Variants in SLC35F4 observed in about 807,000 individuals in gnomAD.
SLC35F4 encodes solute carrier family 35 member F4.
In SLC35F4, 24 loss-of-function variants were observed where a neutral mutation model predicts 44.2. That is an observed-to-expected ratio of 0.54 (90% CI 0.39 to 0.76). The LOEUF (loss-of-function observed/expected upper bound fraction) is 0.76, where lower values mean the gene tolerates loss of function less well. Ranked by LOEUF, SLC35F4 falls within the 30% of genes least tolerant of loss-of-function variation. The pLI is 0.00. For synonymous variants in SLC35F4, 238 were observed against 223.6 expected (o/e 1.06, Z -0.57); for missense variants, 562 against 586.1 (o/e 0.96, Z 0.42).
At chr14:57,849,439 G>A (rs769844832) in intron 1 of SLC35F4, among the ~76,000 whole-genome samples, 17 of 151,808 alleles carry the variant, frequency 1.1e-4, no homozygotes, top group Non-Finnish European at 2.1e-4. Context: ...TGGGATTATA[G>A]GCATGAGCCA....
At chr14:57,640,177 G>A (rs1226551038) in intron 1 of SLC35F4, among the ~76,000 whole-genome samples, 1 of 151,948 alleles carries the variant, frequency 6.6e-6, no homozygotes, top group Non-Finnish European at 1.5e-5. Context: ...CTTCTGTAAT[G>A]TGCTGTAAAT....
chr14:57,738,013 A>T (rs149790886), intron 1 of SLC35F4, among the ~76,000 whole-genome samples: 75 of 152,368 alleles, frequency 4.9e-4, no homozygotes, highest in African/African-American at 1.8e-3. Context: ...TTGGAGCAAG[A>T]AAAAACATAT....
chr14:57,744,785 C>T (rs989234122), intron 1 of SLC35F4, among the ~76,000 whole-genome samples: 3 of 152,284 alleles, frequency 2.0e-5, no homozygotes, highest in South Asian at 2.1e-4. Context: ...ATTGCCAAGA[C>T]AATCCTAAGC....
At chr14:57,778,364 A>G (rs1323268645) in intron 1 of SLC35F4, among the ~76,000 whole-genome samples, 1 of 152,226 alleles carries the variant, frequency 6.6e-6, no homozygotes, top group East Asian at 1.9e-4. Context: ...ACCAACAAAG[A>G]TCAAAAAAGA....
intron 1 of SLC35F4, among the ~76,000 whole-genome samples, chr14:57,798,739 C>T (rs1345871248): frequency 1.3e-5 from 2 of 152,138 alleles, no homozygotes; most frequent in African/African-American, 2.4e-5. Flanking sequence ...GTAAATGTTG[C>T]CATTTGATTT....
chr14:57,858,753 T>C (rs1320219367), intron 1 of SLC35F4, among the ~76,000 whole-genome samples: 1 of 151,310 alleles, frequency 6.6e-6, no homozygotes, highest in Admixed American at 6.6e-5. Flanking sequence ...AGCTGCATGA[T>C]GAGACTATGA....
chr14:57,815,680 A>G (rs1882480525), intron 1 of SLC35F4, among the ~76,000 whole-genome samples: 1 of 152,144 alleles, frequency 6.6e-6, no homozygotes, highest in Non-Finnish European at 1.5e-5. Flanking sequence ...TGTCATTTGC[A>G]GGAGGCGCTC....
chr14:57,861,841 C>G (rs995324224), intron 1 of SLC35F4, among the ~76,000 whole-genome samples: 1 of 152,174 alleles, frequency 6.6e-6, no homozygotes, highest in African/African-American at 2.4e-5. Flanking sequence ...TTCTCCTGAA[C>G]CTCTTAATGT....
Position 57,740,617 on chromosome 14 carries a change from T to C in SLC35F4, c.103+125106A>G, listed in dbSNP as rs533734919. Among the ~76,000 whole-genome samples, 4 of 152,274 alleles carry C rather than the reference T, an allele frequency of 2.6e-5. No individual in the cohort carries two copies. The East Asian group carries it at 7.7e-4, about 29-fold the overall frequency. On this transcript the variant is annotated intron_variant, in intron 1 of 7. Transcript: ENST00000556826. ...GGTAACTATAGTTTACGAGAATATA[T>C]TGTACATTCTAAAATAGCTAGAAGA...
intron 1 of SLC35F4, among the ~76,000 whole-genome samples, chr14:57,856,285 C>A (rs563515695): frequency 6.6e-6 from 1 of 152,118 alleles, no homozygotes; most frequent in Admixed American, 6.5e-5. Context: ...CAAAACTGCA[C>A]ATTCTGCACA....
At chr14:57,831,227 T>A (rs954343709) in intron 1 of SLC35F4, among the ~76,000 whole-genome samples, 1 of 152,150 alleles carries the variant, frequency 6.6e-6, no homozygotes, top group Admixed American at 6.6e-5. Flanking sequence ...ATCTCTAATA[T>A]CTTTCTCTCC....
At chr14:57,696,112 C>T (rs188198408) in intron 1 of SLC35F4, among the ~76,000 whole-genome samples, 4 of 152,070 alleles carry the variant, frequency 2.6e-5, no homozygotes, top group Non-Finnish European at 5.9e-5. Flanking sequence ...AGAGTTTCTG[C>T]ACAGCAAAAG....
intron 1 of SLC35F4, among the ~76,000 whole-genome samples, chr14:57,848,589 A>G (rs1293074092): frequency 6.6e-6 from 1 of 152,210 alleles, no homozygotes; most frequent in Non-Finnish European, 1.5e-5. Context: ...TTGGGAGATG[A>G]TTCTCCATGA....
downstream of SLC35F4, among the ~76,000 whole-genome samples, chr14:57,972,300 G>A (rs1444461667): frequency 6.6e-6 from 1 of 152,140 alleles, no homozygotes; most frequent in African/African-American, 2.4e-5. Context: ...GATTGCTCTG[G>A]AGGCTACATG....
intron 1 of SLC35F4, among the ~76,000 whole-genome samples, chr14:57,697,363 A>T (rs925179152): frequency 6.6e-6 from 1 of 152,132 alleles, no homozygotes; most frequent in African/African-American, 2.4e-5. Context: ...AAAATGTATT[A>T]AGGTTGGTTT....
intron 1 of SLC35F4, among the ~76,000 whole-genome samples, chr14:57,970,620 G>C (rs1215092280): frequency 6.6e-6 from 1 of 152,136 alleles, no homozygotes; most frequent in Non-Finnish European, 1.5e-5. Context: ...GATCCATCCA[G>C]CGTTTTATCC....
chr14:57,880,847 A>G (rs1306675943), intron 1 of SLC35F4, among the ~76,000 whole-genome samples: 1 of 152,190 alleles, frequency 6.6e-6, no homozygotes, highest in Non-Finnish European at 1.5e-5. Flanking sequence ...TCGAAGAGGA[A>G]CTCACGTTAA....
In SLC35F4 at chr14:57,950,826, G is replaced by A. The variant is rs111752588; in HGVS notation, n.282+31087C>T. On this transcript the variant is annotated intron_variant and non_coding_transcript_variant, in intron 1 of 1. Transcript: ENST00000556568. Reference sequence around the variant, plus strand: ...TGGGACTACAGGTGCCTGCCACCACGCCAGGCTAATTTGTAGTTTTAGTAG... The same window carrying A: ...TGGGACTACAGGTGCCTGCCACCACACCAGGCTAATTTGTAGTTTTAGTAG... Among the ~76,000 whole-genome samples the A allele has an allele frequency of 5.8e-3, 879 of 152,012 alleles. 5 individuals are homozygous for A. Among genetic ancestry groups the A allele is most frequent in the African/African-American group, 0.013 (550 of 41,464 alleles).
intron 1 of SLC35F4, among the ~76,000 whole-genome samples, chr14:57,643,943 G>A (rs1260469085): frequency 6.6e-6 from 1 of 152,138 alleles, no homozygotes; most frequent in Non-Finnish European, 1.5e-5. Flanking sequence ...CAAAGGACAT[G>A]AACTCATCCT....
Sources: allele counts gnomAD v4.1 joint callset (sites outside exome capture counted in the v4.1 genomes callset), GRCh38; gene constraint gnomAD v4.1.1; transcripts MANE v1.5; gene names NCBI Gene and HGNC (gene_info 2026-07-23, HGNC 2026-07-21).